Variants in CACNA2D1 observed in about 807,000 individuals in gnomAD.
The protein encoded by CACNA2D1 is calcium voltage-gated channel auxiliary subunit alpha2delta 1, also known as voltage-dependent calcium channel subunit alpha-2/delta-1.
Under a neutral mutation model 171.5 loss-of-function variants are expected in CACNA2D1, and 53 were observed. The observed-to-expected ratio is 0.31, with a 90% CI of 0.25 to 0.39. The LOEUF is 0.39. Among genes scored for constraint, CACNA2D1 ranks in the 10% least tolerant of loss-of-function variants. CACNA2D1 has a pLI of 1.00. For synonymous variants in CACNA2D1, 442 were observed against 443.1 expected (o/e 1.00, Z 0.03); for missense variants, 903 against 1,299.8 (o/e 0.69, Z 4.69).
At chr7:82,384,211 C>A (rs550133638) in intron 1 of CACNA2D1, among the ~76,000 whole-genome samples, 7 of 152,110 alleles carry the variant, frequency 4.6e-5, no homozygotes, top group Non-Finnish European at 8.8e-5. Flanking sequence ...TGAATTGTCT[C>A]CCCCAAAAAA....
chr7:82,141,302 TC>T (rs1792353247), intron 4 of CACNA2D1, among the ~76,000 whole-genome samples: 1 of 152,156 alleles, frequency 6.6e-6, no homozygotes, highest in Admixed American at 6.5e-5. Context: ...TAAATTCTGT[TC>T]TGATGCTTTT....
intron 6 of CACNA2D1, among the ~76,000 whole-genome samples, chr7:82,115,385 A>C (rs572587143): frequency 6.6e-6 from 1 of 152,274 alleles, no homozygotes; most frequent in Admixed American, 6.5e-5. Context: ...CAGAAAAATA[A>C]TACAATGGTC....
intron 6 of CACNA2D1, among the ~76,000 whole-genome samples, chr7:82,110,608 C>T (rs538360194): frequency 1.3e-5 from 2 of 152,180 alleles, no homozygotes; most frequent in Non-Finnish European, 2.9e-5. Flanking sequence ...CCCTGCTCCC[C>T]GTTCGCTTGC....
At chr7:82,334,664 G>A (rs2129444264) in intron 3 of CACNA2D1, among the ~76,000 whole-genome samples, 1 of 151,946 alleles carries the variant, frequency 6.6e-6, no homozygotes, top group East Asian at 1.9e-4. Context: ...TTTTGTGAGG[G>A]AAAACTATTT....
chr7:82,228,558 T>C (rs1266309013), intron 3 of CACNA2D1, among the ~76,000 whole-genome samples: 1 of 152,152 alleles, frequency 6.6e-6, no homozygotes, highest in Non-Finnish European at 1.5e-5. Flanking sequence ...AATTTTGAAA[T>C]TGTGAATAAG....
chr7:82,013,825 AATT>A (rs1800092642), intron 13 of CACNA2D1, among the ~76,000 whole-genome samples: 1 of 151,868 alleles, frequency 6.6e-6, no homozygotes, highest in South Asian at 2.1e-4. Flanking sequence ...CATGATGGAT[AATT>A]ATTATATTTA....
intron 3 of CACNA2D1, among the ~76,000 whole-genome samples, chr7:82,203,598 C>A (rs770809578): frequency 2.8e-4 from 42 of 152,326 alleles, no homozygotes; most frequent in Non-Finnish European, 4.6e-4. Context: ...TCAGCAGGCA[C>A]AAGCCCTACG....
chr7:82,201,564 C>T (rs1403918779), intron 3 of CACNA2D1, among the ~76,000 whole-genome samples: 1 of 152,148 alleles, frequency 6.6e-6, no homozygotes, highest in Admixed American at 6.5e-5. Context: ...GTCCCCTTTA[C>T]ATGCCCAGGT....
Position 82,265,232 on chromosome 7 carries a change from C to G in CACNA2D1, c.294+69903G>C, listed in dbSNP as rs117460445. On this transcript the variant is annotated intron_variant, in intron 3 of 38. Coordinates refer to ENST00000356860, the MANE Select transcript of CACNA2D1 (RefSeq NM_000722.4). ...TTTAATTGCATCAGGTCTCTCAATC[C>G]ACAGTTGAGCATCTGCTCATTAGAA... is the stretch of plus-strand genomic sequence containing the variant. Among the ~76,000 whole-genome samples the G allele has an allele frequency of 5.5e-3, 839 of 152,244 alleles. 24 individuals carry two copies. In the East Asian group the frequency reaches 0.091, roughly 16 times the overall value.
chr7:82,128,841 G>A (rs3757634), intron 5 of CACNA2D1, among the ~76,000 whole-genome samples: 26,106 of 151,718 alleles, frequency 0.17, 2,572 homozygotes, highest in East Asian at 0.34. Flanking sequence ...ACGTTCCCCT[G>A]AATGCTGGTG....
intron 10 of CACNA2D1, among the ~76,000 whole-genome samples, chr7:82,048,025 C>A (rs1462660241): frequency 6.6e-6 from 1 of 152,082 alleles, no homozygotes; most frequent in Non-Finnish European, 1.5e-5. Context: ...GAAGTAATTT[C>A]TCATCTGTAC....
chr7:82,147,441 A>G (rs1341745582), intron 4 of CACNA2D1, among the ~76,000 whole-genome samples: 1 of 152,196 alleles, frequency 6.6e-6, no homozygotes, highest in Admixed American at 6.5e-5. Flanking sequence ...TCCAGAACTG[A>G]ACAAACACAT....
At chr7:82,291,426 AAT>A (rs1158134778) in intron 3 of CACNA2D1, among the ~76,000 whole-genome samples, 1 of 136,422 alleles carries the variant, frequency 7.3e-6, no homozygotes, top group Non-Finnish European at 1.5e-5. Context: ...CTAGATATAT[AAT>A]ATATAAAATA....
chr7:82,122,269 G>A (rs1191256910), intron 5 of CACNA2D1, among the ~76,000 whole-genome samples: 2 of 152,110 alleles, frequency 1.3e-5, no homozygotes, highest in East Asian at 1.9e-4. Context: ...ACTGATCCCT[G>A]CAATAACTTG....
intron 29 of CACNA2D1, among the ~76,000 whole-genome samples, chr7:81,968,322 C>T (rs545069784): frequency 5.3e-5 from 8 of 151,484 alleles, no homozygotes; most frequent in Admixed American, 2.6e-4. Context: ...AGCCCACTTC[C>T]GATCCTCATT....
At chr7:82,131,712 AATG>A (rs1228685047) in intron 5 of CACNA2D1, among the ~76,000 whole-genome samples, 2 of 152,214 alleles carry the variant, frequency 1.3e-5, no homozygotes, top group Non-Finnish European at 2.9e-5. Context: ...ACAAATTTTT[AATG>A]AAGAATATGA....
intron 6 of CACNA2D1, among the ~76,000 whole-genome samples, chr7:82,089,496 T>C (rs1317026116): frequency 1.3e-5 from 2 of 152,130 alleles, no homozygotes; most frequent in African/African-American, 2.4e-5. Context: ...TTTGAGGCCT[T>C]TATTCTGAAC....
At chr7:82,052,282 G>A (rs1187265852) in intron 10 of CACNA2D1, among the ~76,000 whole-genome samples, 1 of 152,120 alleles carries the variant, frequency 6.6e-6, no homozygotes, top group Non-Finnish European at 1.5e-5. Context: ...GATTCCTGAA[G>A]TTACAAAAGC....
chr7:82,175,033 C>T (rs1209225728), intron 3 of CACNA2D1, among the ~76,000 whole-genome samples: 1 of 151,900 alleles, frequency 6.6e-6, no homozygotes, highest in Non-Finnish European at 1.5e-5. Context: ...ATTCTACTAT[C>T]CTAATCAATA....
Sources: allele counts gnomAD v4.1 joint callset (sites outside exome capture counted in the v4.1 genomes callset), GRCh38; gene constraint gnomAD v4.1.1; transcripts MANE v1.5; gene names NCBI Gene and HGNC (gene_info 2026-07-23, HGNC 2026-07-21).